ACP4: variants seen among roughly 807,000 people sequenced by gnomAD.
The protein encoded by ACP4 is testicular acid phosphatase.
In ACP4, 49 loss-of-function variants were observed where a neutral mutation model predicts 47.3. The ratio of observed to expected loss-of-function variants is 1.04; its 90% CI spans 0.82 to 1.32. ACP4 has a LOEUF of 1.32. Among genes scored for constraint, ACP4 ranks in the 40% most tolerant of loss-of-function variants. The pLI is 0.00. For missense variants in ACP4, 594 were observed against 579.3 expected (o/e 1.03, Z -0.26); for synonymous variants, 299 against 265.3 (o/e 1.13, Z -1.23).
intron 8 of ACP4, among the ~76,000 whole-genome samples, 166 bp downstream of exon 8, chr19:50,794,136 G>A (rs893253881): frequency 2.0e-5 from 3 of 152,190 alleles, no homozygotes; most frequent in Non-Finnish European, 4.4e-5. Flanking sequence ...TCTGGAAAGA[G>A]GGAGGTGACG....
chr19:50,791,781 G>A lies in ACP4; in HGVS notation c.429G>A (p.Thr143=), dbSNP rs184362440. The A allele has an allele frequency of 1.4e-5, 22 of 1,609,822 alleles. No homozygotes were observed. Among genetic ancestry groups the A allele is most frequent in the African/African-American group, 9.3e-5 (7 of 75,006 alleles). The change falls in exon 4 of 11, where the codon ACG becomes ACA. Residue 143 remains threonine, a synonymous_variant. Coordinates refer to ENST00000270593, the MANE Select transcript of ACP4 (RefSeq NM_033068.3). ...GCTGGAGGCCGATCCCGGTGCACAC[G>A]GTGCCCGTGGCTGAGGATAAGGTCA... ...EARWRPIPVH[T]VPVAEDKLLR...
At chr19:50,794,009 AC>A in intron 8 of ACP4, 39 bp downstream of exon 8, 1 of 1,609,610 alleles carries the variant, frequency 6.2e-7, no homozygotes, top group Non-Finnish European at 8.5e-7. Context: ...GCACTGAGGC[AC>A]AGGGATGAGG....
chr19:50,793,352 AT>A, intron 6 of ACP4: 8 of 269,856 alleles, frequency 3.0e-5, no homozygotes, highest in Admixed American at 4.8e-5. Context: ...TCTACTAAAA[AT>A]AAAAAAAAAA....
rs1288312301 is a variant in ACP4, at chr19:50,794,599, C to G, written c.986+18C>G. 1 of 1,613,898 alleles carries G rather than the reference C, an allele frequency of 6.2e-7. No individual in the cohort carries two copies. The highest frequency in any genetic ancestry group is 8.5e-7 in the Non-Finnish European group (1 of 1,179,952). ...GATGGAGGGTGAGAATGGTTTGGTG[C>G]CCAGGGACATGGGTGGGACAGAACT... On this transcript the variant is annotated intron_variant, in intron 9 of 10. Coordinates refer to ENST00000270593, the MANE Select transcript of ACP4 (RefSeq NM_033068.3).
chr19:50,794,020 G>A (rs1159028136), intron 8 of ACP4, 50 bp downstream of exon 8: 1 of 1,603,314 alleles, frequency 6.2e-7, no homozygotes, highest in Non-Finnish European at 8.5e-7. Context: ...CAGGGATGAG[G>A]GTGACAGCGA....
At chr19:50,792,379 G>C in intron 6 of ACP4, 42 bp downstream of exon 6, 1 of 1,590,204 alleles carries the variant, frequency 6.3e-7, no homozygotes, top group East Asian at 2.2e-5. Context: ...AAGGACACCT[G>C]TTTCCAATCC....
At chr19:50,790,554 T>C in intron 1 of ACP4, 29 bp downstream of exon 1, 1 of 1,540,824 alleles carries the variant, frequency 6.5e-7, no homozygotes, top group Non-Finnish European at 8.8e-7. Context: ...GGCCTGCCCT[T>C]AGCTCCCCCA....
At position 50,792,117 on chromosome 19, in the gene ACP4, G is replaced by A; in HGVS notation, c.495G>A (p.Leu165=). ...GCAGCTGTCCCCGATACCACGAGCT[G>A]CTGCGGGAGGCCACCGAGGCCGCCG... ...PMRSCPRYHE[L]LREATEAAEY... Residue 165 remains leucine (L), a synonymous_variant, in exon 5 of 11, where the codon CTG becomes CTA. Transcript: ENST00000270593. 1 of 1,606,058 alleles carries A rather than the reference G, an allele frequency of 6.2e-7. No homozygotes were observed. The highest frequency in any genetic ancestry group is 8.5e-7 in the Non-Finnish European group (1 of 1,177,782).
In ACP4 at chr19:50,793,588, T is replaced by TG. The variant is rs2089528109; in HGVS notation, c.646-90dup. 8 of 1,516,962 alleles carry TG rather than the reference T, an allele frequency of 5.3e-6. No individual in the cohort carries two copies. The East Asian group carries it at 1.1e-4, about 22-fold the overall frequency. 94.0% of individuals were successfully genotyped at this position (1,516,962 alleles called of 1,614,324 possible). On this transcript the variant is annotated intron_variant, in intron 6 of 10. Transcript: ENST00000270593. ...CCCAGCCAGATCCAGATCCGGCCCA[T>TG]GGGGGGACTCAGAAGAGCAGGGGGC...
chr19:50,790,607 G>T lies in ACP4; in HGVS notation c.125G>T (p.Gly42Val). 6.4e-7 allele frequency: 1 copy of T among 1,551,102 alleles called. No individual in the cohort carries two copies. The change falls in exon 2 of 11, where the codon GGC (glycine) becomes GTC (valine). Residue 42 changes from glycine to valine, a missense_variant. Transcript: ENST00000270593. ...LVFVALVFRH[G>V]DRAPLASYPM... ...TCCTGTCCCCAGGTATTCCGCCATG[G>T]CGACCGGGCCCCGCTGGCCTCCTAC...
chr19:50,793,351 AAT>A, intron 6 of ACP4: 1 of 269,148 alleles, frequency 3.7e-6, no homozygotes, highest in South Asian at 6.2e-5. Context: ...CTCTACTAAA[AAT>A]AAAAAAAAAA....
chr19:50,794,700 G>A (rs1423286693), intron 9 of ACP4, 86 bp from the exon 10 acceptor site: 4 of 1,579,104 alleles, frequency 2.5e-6, no homozygotes, highest in African/African-American at 2.7e-5. Context: ...CTGGGAGGAT[G>A]ACAGGTGGGA....
In ACP4 at chr19:50,792,408, C is replaced by T. The variant is rs1052744306; in HGVS notation, c.645+71C>T. ...CCAATCCCAGCTTGCTACTCACTAG[C>T]TGTGTTCCCTCAGGCATGTAGTTAA... On this transcript the variant is annotated intron_variant, in intron 6 of 10. Coordinates refer to ENST00000270593, the MANE Select transcript of ACP4 (RefSeq NM_033068.3). 2.0e-6 allele frequency: 3 copies of T among 1,485,886 alleles called. No homozygotes were observed. The Middle Eastern group carries it at 5.1e-4, about 255-fold the overall frequency. The allele number at this position is 1,485,886 out of a possible 1,614,324, so 92.0% of individuals were successfully genotyped here.
chr19:50,792,229 C>A lies in ACP4; in HGVS notation c.550-13C>A, dbSNP rs995655593. 1.9e-6 allele frequency: 3 copies of A among 1,612,648 alleles called. No homozygotes were observed. The highest frequency in any genetic ancestry group is 2.5e-6 in the Non-Finnish European group (3 of 1,179,890). On this transcript the variant is annotated splice_polypyrimidine_tract_variant and intron_variant, in intron 5 of 10. Coordinates refer to ENST00000270593, the MANE Select transcript of ACP4 (RefSeq NM_033068.3). The stretch of plus-strand genomic sequence containing the variant: ...GGGGATGGGCCTGGGCTCACCCAGC[C>A]CCGCGCATCCAGGGCTTCCTGAGTC...
At position 50,794,758 on chromosome 19, in the gene ACP4, G is replaced by A. The variant is rs1342074923; in HGVS notation, c.987-28G>A. The A allele has an allele frequency of 2.5e-6, 4 of 1,577,948 alleles. No individual in the cohort carries two copies. The African/African-American group carries it at 4.0e-5, about 16-fold the overall frequency. ...CTTTAAGATCAATGACAGGAGGGAG[G>A]AGGTGCCACCATGTCCTCTCTCTCC... On this transcript the variant is annotated intron_variant, in intron 9 of 10. Coordinates refer to ENST00000270593, the MANE Select transcript of ACP4 (RefSeq NM_033068.3).
intron 8 of ACP4, among the ~76,000 whole-genome samples, chr19:50,794,205 A>G (rs574365764): frequency 2.6e-5 from 4 of 152,356 alleles, no homozygotes; most frequent in African/African-American, 9.6e-5. Context: ...TTAAGAAACT[A>G]TGATTGGACT....
chr19:50,793,811 C>G lies in ACP4; in HGVS notation c.773C>G (p.Thr258Arg). The change falls in exon 7 of 11, where the codon ACA becomes AGA. Residue 258 changes from threonine to arginine, a missense_variant. Coordinates refer to ENST00000270593, the MANE Select transcript of ACP4 (RefSeq NM_033068.3). ...PPRAAEKAQL[T>R]GGILLNAILA... Reference sequence around the variant, plus strand: ...CGGGCAGCAGAGAAGGCCCAGCTGACAGGGGGTGAGGTGTGGGTCTGGGAG... The same window carrying G: ...CGGGCAGCAGAGAAGGCCCAGCTGAGAGGGGGTGAGGTGTGGGTCTGGGAG... The G allele has an allele frequency of 6.2e-7, 1 of 1,614,006 alleles. No homozygotes were observed. Among genetic ancestry groups the G allele is most frequent in the Admixed American group, 1.7e-5 (1 of 60,030 alleles).
rs751625339 is a variant in ACP4, at chr19:50,794,964, G to A, written c.1165G>A (p.Ala389Thr). The A allele has an allele frequency of 5.0e-6, 8 of 1,613,120 alleles. No individual in the cohort carries two copies. Among genetic ancestry groups the A allele is most frequent in the African/African-American group, 1.3e-5 (1 of 74,924 alleles). ...HGPYEAAIPP[A>T]PVVPLLAGAV... ...CCCCTATGAGGCTGCCATCCCCCCA[G>A]GTGACAGTCCTCTGTGTTGGGGTGG... The change falls in exon 10 of 11, where the codon GCT (alanine) becomes ACT (threonine). Residue 389 changes from alanine (A) to threonine (T), a missense_variant and splice_region_variant. Ala to Thr is a moderately conservative substitution (Grantham distance 58). Transcript: ENST00000270593.
chr19:50,791,571 A>G, intron 3 of ACP4, 85 bp from the exon 4 acceptor site: 1 of 1,536,522 alleles, frequency 6.5e-7, no homozygotes, highest in Non-Finnish European at 8.8e-7. Context: ...CTCCAAAGTG[A>G]ATCTGAGGCT....
Sources: allele counts gnomAD v4.1 joint callset (sites outside exome capture counted in the v4.1 genomes callset), GRCh38; gene constraint gnomAD v4.1.1; transcripts MANE v1.5; gene names NCBI Gene and HGNC (gene_info 2026-07-23, HGNC 2026-07-21).